Variants in PTPRD observed in about 807,000 individuals in gnomAD.
The protein encoded by PTPRD is protein tyrosine phosphatase receptor type D, also known as receptor-type tyrosine-protein phosphatase delta.
In PTPRD, 34 loss-of-function variants were observed where a neutral mutation model predicts 214.5. The ratio of observed to expected loss-of-function variants is 0.16; its 90% CI spans 0.12 to 0.21. PTPRD has a LOEUF of 0.21. Among genes scored for constraint, PTPRD ranks in the 10% least tolerant of loss-of-function variants. The probability of loss-of-function intolerance (pLI) is 1.00; values close to 1 mark genes in which losing one functional copy is unlikely to be tolerated. For synonymous variants in PTPRD, 1,128 were observed against 845.7 expected (o/e 1.33, Z -5.79); for missense variants, 2,545 against 2,398.7 (o/e 1.06, Z -1.27).
chr9:8,734,173 C>G (rs533950492), intron 11 of PTPRD, among the ~76,000 whole-genome samples: 8 of 152,280 alleles, frequency 5.3e-5, no homozygotes, highest in Admixed American at 2.6e-4. Flanking sequence ...TGGGAGCTCT[C>G]GCATTCCCAA....
chr9:9,200,068 T>A (rs1038438557), intron 9 of PTPRD, among the ~76,000 whole-genome samples: 1 of 152,320 alleles, frequency 6.6e-6, no homozygotes, highest in East Asian at 1.9e-4. Context: ...CAGGGCATGG[T>A]TGAAGGCTAA....
intron 9 of PTPRD, among the ~76,000 whole-genome samples, chr9:9,257,407 A>G (rs2099978214): frequency 6.6e-6 from 1 of 152,008 alleles, no homozygotes; most frequent in South Asian, 2.1e-4. Context: ...CCCAACCCCA[A>G]GCTCTTAGTC....
intron 7 of PTPRD, among the ~76,000 whole-genome samples, chr9:9,680,812 T>C (rs1270499011): frequency 6.6e-6 from 1 of 151,772 alleles, no homozygotes. Context: ...ATTAACTGCC[T>C]GCCAGCTATG....
At chr9:8,413,376 G>A (rs1345012761) in intron 35 of PTPRD, among the ~76,000 whole-genome samples, 1 of 152,030 alleles carries the variant, frequency 6.6e-6, no homozygotes, top group Non-Finnish European at 1.5e-5. Context: ...TTCTGATTCA[G>A]AAAGAGATAA....
At chr9:8,754,846 A>G (rs1208957022) in intron 11 of PTPRD, among the ~76,000 whole-genome samples, 1 of 152,210 alleles carries the variant, frequency 6.6e-6, no homozygotes, top group Non-Finnish European at 1.5e-5. Flanking sequence ...GAAGCTATCC[A>G]TTTCTATTGT....
chr9:8,429,973 C>T (rs1273039051), intron 35 of PTPRD, among the ~76,000 whole-genome samples: 1 of 152,180 alleles, frequency 6.6e-6, no homozygotes, highest in East Asian at 1.9e-4. Flanking sequence ...CTGTTCATCT[C>T]TGTGTAACTA....
chr9:8,766,854 T>C (rs976431726), intron 11 of PTPRD, among the ~76,000 whole-genome samples: 1 of 152,194 alleles, frequency 6.6e-6, no homozygotes, highest in African/African-American at 2.4e-5. Flanking sequence ...TGACCAGACA[T>C]ATGCCATAGG....
intron 2 of PTPRD, among the ~76,000 whole-genome samples, chr9:10,504,171 G>C (rs547883023): frequency 7.3e-6 from 1 of 137,484 alleles, no homozygotes; most frequent in African/African-American, 2.7e-5. Context: ...ATTGAATGGC[G>C]ATTCTTGAGT....
At chr9:8,698,371 C>A (rs1055094015) in intron 12 of PTPRD, among the ~76,000 whole-genome samples, 1 of 152,150 alleles carries the variant, frequency 6.6e-6, no homozygotes, top group African/African-American at 2.4e-5. Flanking sequence ...GTGTAAAAAA[C>A]GGTGGCTGTA....
At chr9:9,360,976 G>C (rs553857915) in intron 9 of PTPRD, among the ~76,000 whole-genome samples, 1 of 151,256 alleles carries the variant, frequency 6.6e-6, no homozygotes, top group South Asian at 2.1e-4. Flanking sequence ...AAGAACTGCA[G>C]TGCCAAATAG....
intron 9 of PTPRD, among the ~76,000 whole-genome samples, chr9:9,264,017 G>C (rs1937707287): frequency 6.6e-6 from 1 of 151,614 alleles, no homozygotes; most frequent in Non-Finnish European, 1.5e-5. Context: ...ACCCTAACCA[G>C]TTTGTTTGGT....
chr9:9,187,732 T>C (rs1336058189), intron 9 of PTPRD, among the ~76,000 whole-genome samples: 2 of 151,942 alleles, frequency 1.3e-5, no homozygotes, highest in East Asian at 1.9e-4. Flanking sequence ...GTGAACAATA[T>C]ATAAAATGGC....
chr9:10,229,197 A>C (rs1263426141), intron 3 of PTPRD, among the ~76,000 whole-genome samples: 2 of 152,190 alleles, frequency 1.3e-5, no homozygotes, highest in East Asian at 3.9e-4. Flanking sequence ...AAAAATCAGG[A>C]AACAACAGGT....
At chr9:9,195,107 T>TATATATATATATATACAC (rs58832794) in intron 9 of PTPRD, among the ~76,000 whole-genome samples, 10 of 141,202 alleles carry the variant, frequency 7.1e-5, no homozygotes, top group African/African-American at 2.3e-4. Context: ...TATATATATA[T>TATATATATATATATACAC]ACACACACAC....
chr9:10,513,853 C>A (rs2049104362), intron 2 of PTPRD, among the ~76,000 whole-genome samples: 1 of 152,094 alleles, frequency 6.6e-6, no homozygotes, highest in South Asian at 2.1e-4. Flanking sequence ...TTCAGCATAA[C>A]CTAGGCCTCC....
intron 10 of PTPRD, among the ~76,000 whole-genome samples, chr9:9,163,657 T>C (rs2099895263): frequency 6.6e-6 from 1 of 152,130 alleles, no homozygotes; most frequent in African/African-American, 2.4e-5. Context: ...CCACTTAAAA[T>C]CTTTTAAAGC....
intron 39 of PTPRD, among the ~76,000 whole-genome samples, chr9:8,357,058 G>C (rs1330949638): frequency 1.3e-5 from 2 of 152,138 alleles, no homozygotes; most frequent in Admixed American, 6.6e-5. Flanking sequence ...ATTAACTCAT[G>C]GATATCTATT....
intron 7 of PTPRD, among the ~76,000 whole-genome samples, chr9:9,729,774 C>T (rs576185282): frequency 8.6e-5 from 13 of 151,776 alleles, no homozygotes; most frequent in African/African-American, 2.7e-4. Context: ...TGTGAGAGAA[C>T]GAACATATTA....
intron 14 of PTPRD, among the ~76,000 whole-genome samples, chr9:8,545,996 C>T (rs2080023279): frequency 6.6e-6 from 1 of 152,172 alleles, no homozygotes; most frequent in African/African-American, 2.4e-5. Context: ...TATCACCAAC[C>T]TCTTTAGTTT....
Sources: gnomAD v4.1 joint callset for allele counts (sites outside exome capture counted in the v4.1 genomes callset) on GRCh38, gnomAD v4.1.1 for gene constraint, MANE v1.5 for transcripts, NCBI Gene and HGNC (gene_info 2026-07-23, HGNC 2026-07-21) for gene names.